The following BBS9 variants were observed in gnomAD, a reference collection of about 807,000 sequenced individuals.
The protein encoded by BBS9 is protein PTHB1.
BBS9 carries 89 observed loss-of-function variants against 117.7 expected under a neutral mutation model. That is an observed-to-expected ratio of 0.76 (90% CI 0.64 to 0.90). The LOEUF is 0.90. Among genes scored for constraint, BBS9 ranks in the 40% least tolerant of loss-of-function variants. BBS9 has a pLI of 0.00. For synonymous variants in BBS9, 379 were observed against 370.9 expected (o/e 1.02, Z -0.25); for missense variants, 982 against 1,042.2 (o/e 0.94, Z 0.80).
At chr7:33,302,241 G>T (rs749918822) in intron 9 of BBS9, among the ~76,000 whole-genome samples, 65 of 152,186 alleles carry the variant, frequency 4.3e-4, no homozygotes, top group Middle Eastern at 3.4e-3. Context: ...TCTTCACTTG[G>T]TTGATTGTTT....
At chr7:33,606,877 T>C (rs1003404029), downstream of BBS9, among the ~76,000 whole-genome samples, 1 of 152,172 alleles carries the variant, frequency 6.6e-6, no homozygotes, top group African/African-American at 2.4e-5. Context: ...TTATTTTGCT[T>C]CAACATTTAG....
intron 7 of BBS9, among the ~76,000 whole-genome samples, chr7:33,272,095 A>G (rs957236906): frequency 4.6e-5 from 7 of 152,202 alleles, no homozygotes; most frequent in African/African-American, 1.4e-4. Flanking sequence ...TTGCAGAAAC[A>G]TGGATGGAGC....
intron 19 of BBS9, among the ~76,000 whole-genome samples, chr7:33,502,504 GTATT>G (rs1420394187): frequency 2.0e-5 from 3 of 152,124 alleles, no homozygotes; most frequent in Non-Finnish European, 4.4e-5. Flanking sequence ...TGAATGTTGA[GTATT>G]TATTACCTTT....
chr7:33,139,175 C>A (rs1791058362), intron 1 of BBS9, among the ~76,000 whole-genome samples: 1 of 151,120 alleles, frequency 6.6e-6, no homozygotes, highest in Non-Finnish European at 1.5e-5. Context: ...TTGCTTGAAC[C>A]CAGGAAGTGG....
intron 5 of BBS9, among the ~76,000 whole-genome samples, chr7:33,234,887 T>C (rs779183820): frequency 4.6e-5 from 7 of 152,102 alleles, no homozygotes; most frequent in Non-Finnish European, 1.5e-5. Context: ...TCAACATTCA[T>C]TGTTTCATCA....
chr7:33,594,079 ACT>A (rs1345979746), intron 21 of BBS9, among the ~76,000 whole-genome samples: 2 of 151,682 alleles, frequency 1.3e-5, no homozygotes, highest in African/African-American at 2.4e-5. Context: ...TTAAATCCCG[ACT>A]CTCTGACTGG....
At chr7:33,562,651 C>T (rs118023897) in intron 21 of BBS9, among the ~76,000 whole-genome samples, 3,930 of 152,248 alleles carry the variant, frequency 0.026, 62 homozygotes, top group East Asian at 0.048. Context: ...GGAGGCTGGG[C>T]GCGGTGGCTC....
chr7:33,551,401 A>G (rs1477344130), intron 21 of BBS9, among the ~76,000 whole-genome samples: 3 of 152,182 alleles, frequency 2.0e-5, no homozygotes, highest in Admixed American at 6.6e-5. Flanking sequence ...TGATATTTTT[A>G]CCTGCTTTTG....
chr7:33,494,838 C>T (rs114826336), intron 19 of BBS9, among the ~76,000 whole-genome samples: 334 of 152,298 alleles, frequency 2.2e-3, no homozygotes, highest in African/African-American at 7.8e-3. Flanking sequence ...ACCAAGGCAA[C>T]TTCCAATTAC....
intron 5 of BBS9, among the ~76,000 whole-genome samples, chr7:33,199,524 C>T (rs1296485013): frequency 1.3e-5 from 2 of 151,318 alleles, no homozygotes; most frequent in African/African-American, 4.9e-5. Context: ...ATTTATCGCA[C>T]AGTTATTGAA....
intron 21 of BBS9, among the ~76,000 whole-genome samples, chr7:33,535,231 A>T (rs956961747): frequency 1.3e-5 from 2 of 152,132 alleles, no homozygotes; most frequent in Non-Finnish European, 2.9e-5. Context: ...TAGAGTCTTC[A>T]TGTCTTCCTA....
At chr7:33,409,569 G>C (rs1830727496) in intron 19 of BBS9, among the ~76,000 whole-genome samples, 1 of 152,168 alleles carries the variant, frequency 6.6e-6, no homozygotes, top group Non-Finnish European at 1.5e-5. Context: ...TTGTAGTATA[G>C]TTTGAACTTG....
chr7:33,511,310 G>A (rs1483214630), intron 20 of BBS9, among the ~76,000 whole-genome samples: 1 of 152,114 alleles, frequency 6.6e-6, no homozygotes, highest in African/African-American at 2.4e-5. Context: ...AAGAGAACAA[G>A]AAGGAGCAGT....
intron 4 of BBS9, among the ~76,000 whole-genome samples, chr7:33,161,790 CT>C (rs1376012135): frequency 6.6e-6 from 1 of 152,154 alleles, no homozygotes; most frequent in Admixed American, 6.5e-5. Flanking sequence ...CTGTTGCTTC[CT>C]GACTTTTTAA....
intron 9 of BBS9, among the ~76,000 whole-genome samples, chr7:33,300,647 C>A (rs1188943849): frequency 1.3e-5 from 2 of 149,642 alleles, no homozygotes; most frequent in Non-Finnish European, 3.0e-5. Flanking sequence ...ATGGGAATAG[C>A]AATATCAATA....
chr7:33,272,853 G>A (rs986621868), intron 7 of BBS9, among the ~76,000 whole-genome samples, 159 bp from the exon 8 acceptor site: 5 of 150,638 alleles, frequency 3.3e-5, no homozygotes, highest in Non-Finnish European at 7.4e-5. Flanking sequence ...CCAGAAAAAT[G>A]GTCATAGTGA....
intron 22 of BBS9, 36 bp downstream of exon 22, chr7:33,605,011 A>C: frequency 6.5e-7 from 1 of 1,540,734 alleles, no homozygotes; most frequent in Non-Finnish European, 9.0e-7. Flanking sequence ...GCGTTAGTTA[A>C]GTCAGAAGCA....
intron 19 of BBS9, among the ~76,000 whole-genome samples, chr7:33,502,056 C>T (rs191436493): frequency 7.0e-4 from 107 of 152,146 alleles, no homozygotes; most frequent in African/African-American, 2.3e-3. Context: ...ATTACAGGCA[C>T]GTGCCACCAT....
chr7:33,442,733 G>T (rs1412100080), intron 19 of BBS9, among the ~76,000 whole-genome samples: 2 of 152,222 alleles, frequency 1.3e-5, no homozygotes, highest in South Asian at 4.1e-4. Context: ...CTCAAAGAAG[G>T]TGTATGCATT....
Sources: gnomAD v4.1 joint callset for allele counts (sites outside exome capture counted in the v4.1 genomes callset) on GRCh38, gnomAD v4.1.1 for gene constraint, MANE v1.5 for transcripts, NCBI Gene and HGNC (gene_info 2026-07-23, HGNC 2026-07-21) for gene names.